The following ADAMTSL1 variants were observed in gnomAD, a reference collection of about 807,000 sequenced individuals.
ADAMTSL1 encodes the protein ADAMTS-like protein 1.
Under a neutral mutation model 201.8 loss-of-function variants are expected in ADAMTSL1, and 126 were observed. That is an observed-to-expected ratio of 0.62 (90% confidence interval 0.54 to 0.72). ADAMTSL1 has a LOEUF of 0.72. ADAMTSL1 is among the 30% of genes least tolerant of loss of function. The probability of loss-of-function intolerance (pLI) is 0.00; values close to 1 mark genes in which losing one functional copy is unlikely to be tolerated. For missense variants in ADAMTSL1, 2,679 were observed against 2,277.8 expected (o/e 1.18, Z -3.59); for synonymous variants, 1,121 against 903.4 (o/e 1.24, Z -4.32).
chr9:18,846,474 G>A (rs1826121136), intron 23 of ADAMTSL1, among the ~76,000 whole-genome samples: 1 of 152,186 alleles, frequency 6.6e-6, no homozygotes, highest in African/African-American at 2.4e-5. Flanking sequence ...TTTGGTCAGA[G>A]GTAAGGGGGA....
At position 18,001,842 on chromosome 9, in the gene ADAMTSL1, A is replaced by G. The variant is rs139473921; in HGVS notation, c.87+94920A>G. ...TAGGAATGCCTGTTAGTTTTGGCAGATAGGAAGCCAGTGGTGAGCTGGTAA... is the reference window on the plus strand; with the variant it reads ...TAGGAATGCCTGTTAGTTTTGGCAGGTAGGAAGCCAGTGGTGAGCTGGTAA... On this transcript the variant is annotated intron_variant, in intron 1 of 29. Coordinates refer to the ADAMTSL1 transcript ENST00000680146. Among the ~76,000 whole-genome samples, 3 of 152,104 alleles carry G rather than the reference A, an allele frequency of 2.0e-5. No homozygotes were observed. The East Asian group carries it at 5.8e-4, about 30-fold the overall frequency.
chr9:18,791,742 CTCTA>C (rs146075242), intron 19 of ADAMTSL1, among the ~76,000 whole-genome samples: 1,867 of 152,286 alleles, frequency 0.012, 30 homozygotes, highest in African/African-American at 0.036. Flanking sequence ...ACTACAGTTT[CTCTA>C]TCTATGTATA....
intron 2 of ADAMTSL1, among the ~76,000 whole-genome samples, chr9:18,264,895 C>A (rs1190719130): frequency 6.6e-6 from 1 of 152,108 alleles, no homozygotes; most frequent in Non-Finnish European, 1.5e-5. Context: ...AGTGACTTTA[C>A]CTTGCCAAGC....
At chr9:18,219,898 G>GT (rs1328033330) in intron 2 of ADAMTSL1, among the ~76,000 whole-genome samples, 1 of 151,686 alleles carries the variant, frequency 6.6e-6, no homozygotes, top group Non-Finnish European at 1.5e-5. Context: ...TCTCATATTA[G>GT]TTTTTTTTCT....
intron 2 of ADAMTSL1, among the ~76,000 whole-genome samples, chr9:18,266,777 T>A (rs1832133397): frequency 6.6e-6 from 1 of 152,166 alleles, no homozygotes; most frequent in South Asian, 2.1e-4. Flanking sequence ...TGGAATTTTT[T>A]CATTTCTCAC....
chr9:18,813,463 A>G (rs1261636602), intron 20 of ADAMTSL1, among the ~76,000 whole-genome samples: 8 of 152,150 alleles, frequency 5.3e-5, no homozygotes, highest in Non-Finnish European at 1.2e-4. Context: ...TGAGCATGGG[A>G]TATCTTTACA....
chr9:18,241,669 C>A (rs553345185), intron 2 of ADAMTSL1, among the ~76,000 whole-genome samples: 71 of 151,730 alleles, frequency 4.7e-4, no homozygotes, highest in East Asian at 1.6e-3. Flanking sequence ...CAAATGAAAT[C>A]AAAAATGAAA....
intron 1 of ADAMTSL1, among the ~76,000 whole-genome samples, chr9:18,105,149 C>A (rs1024551569): frequency 1.3e-5 from 2 of 152,174 alleles, no homozygotes; most frequent in African/African-American, 4.8e-5. Flanking sequence ...GTACAGGACA[C>A]CGTCTCCGCT....
chr9:18,330,259 G>A (rs1001888514), intron 2 of ADAMTSL1, among the ~76,000 whole-genome samples: 1 of 152,082 alleles, frequency 6.6e-6, no homozygotes, highest in Non-Finnish European at 1.5e-5. Context: ...ATTATTCTCA[G>A]TGTCATCAGT....
Position 17,997,641 on chromosome 9 carries a change from AG to A in ADAMTSL1, c.87+90721del, listed in dbSNP as rs571959151. Among the ~76,000 whole-genome samples the A allele has an allele frequency of 2.6e-3, 395 of 152,166 alleles. 2 individuals are homozygous for A. The highest frequency in any genetic ancestry group is 9.3e-3 in the African/African-American group (385 of 41,556). ...TCTGTTTCATTGACCTTTGTGAAAA[AG>A]GTGCTGGCTCTTGAATTCATGCATT... On this transcript the variant is annotated intron_variant, in intron 1 of 29. Coordinates refer to the ADAMTSL1 transcript ENST00000680146.
At chr9:18,012,733 T>C (rs576981291) in intron 1 of ADAMTSL1, among the ~76,000 whole-genome samples, 1 of 152,152 alleles carries the variant, frequency 6.6e-6, no homozygotes, top group Admixed American at 6.5e-5. Flanking sequence ...CTAGAATACT[T>C]TGATCCTTGG....
Position 18,830,933 on chromosome 9 carries a change from T to C in ADAMTSL1, c.4249+956T>C, listed in dbSNP as rs573965381. Among the ~76,000 whole-genome samples the C allele has an allele frequency of 2.0e-5, 3 of 152,356 alleles. No homozygotes were observed. In the South Asian group the frequency reaches 6.2e-4, roughly 32 times the overall value. On this transcript the variant is annotated intron_variant, in intron 23 of 28. Transcript: ENST00000380548. ...TGACAATAACAGCTAGAATTATTCC[T>C]GTGGCTCAAAGTTTAAAGCTTCTGT... is the stretch of plus-strand genomic sequence containing the variant.
intron 23 of ADAMTSL1, among the ~76,000 whole-genome samples, chr9:18,838,453 G>A (rs1479530986): frequency 6.6e-6 from 1 of 151,642 alleles, no homozygotes; most frequent in Non-Finnish European, 1.5e-5. Flanking sequence ...GGGAAAGAGA[G>A]AAAAGCTCTA....
chr9:18,144,453 T>A (rs961065108), intron 1 of ADAMTSL1, among the ~76,000 whole-genome samples: 1 of 151,946 alleles, frequency 6.6e-6, no homozygotes, highest in Non-Finnish European at 1.5e-5. Flanking sequence ...TGATCCTCCC[T>A]CCTCGCCCTT....
intron 1 of ADAMTSL1, among the ~76,000 whole-genome samples, chr9:18,024,889 T>C (rs1820628660): frequency 6.6e-6 from 1 of 152,154 alleles, no homozygotes; most frequent in Admixed American, 6.6e-5. Context: ...ACCAACAGTG[T>C]ATAAGCATTC....
At chr9:18,108,160 A>G (rs927012532) in intron 1 of ADAMTSL1, among the ~76,000 whole-genome samples, 2 of 151,710 alleles carry the variant, frequency 1.3e-5, no homozygotes, top group Non-Finnish European at 2.9e-5. Flanking sequence ...GTGAGCAAAA[A>G]GTATTCACGT....
chr9:18,827,306 G>A (rs1009878323), intron 22 of ADAMTSL1, among the ~76,000 whole-genome samples: 1 of 151,916 alleles, frequency 6.6e-6, no homozygotes, highest in Non-Finnish European at 1.5e-5. Context: ...AATAATTCAT[G>A]CCACACATAC....
chr9:18,380,454 T>TACTATA (rs1196110764), intron 2 of ADAMTSL1, among the ~76,000 whole-genome samples: 27 of 152,218 alleles, frequency 1.8e-4, no homozygotes, highest in Non-Finnish European at 2.9e-4. Context: ...TTTACATAGA[T>TACTATA]ACTATACAGC....
At chr9:18,069,904 T>C (rs2131729322) in intron 1 of ADAMTSL1, among the ~76,000 whole-genome samples, 1 of 152,262 alleles carries the variant, frequency 6.6e-6, no homozygotes, top group East Asian at 1.9e-4. Flanking sequence ...TATTATGGGA[T>C]TTGGTGAGAG....
Sources: gnomAD v4.1 joint callset for allele counts (sites outside exome capture counted in the v4.1 genomes callset) on GRCh38, gnomAD v4.1.1 for gene constraint, MANE v1.5 for transcripts, NCBI Gene and HGNC (gene_info 2026-07-23, HGNC 2026-07-21) for gene names.